The following SUPT6H variants were observed in gnomAD, a reference collection of about 807,000 sequenced individuals.
SUPT6H encodes SPT6 homolog, histone chaperone and transcription elongation factor.
SUPT6H carries 11 observed loss-of-function variants against 222.3 expected under a neutral mutation model. The observed-to-expected ratio is 0.05, with a 90% confidence interval of 0.03 to 0.08. The LOEUF is 0.08. SUPT6H is among the 10% of genes least tolerant of loss of function. The pLI is 1.00. For missense variants in SUPT6H, 1,422 were observed against 2,216.0 expected, an observed-to-expected ratio of 0.64 and a Z score of 7.19; for synonymous variants, 762 against 801.2, an observed-to-expected ratio of 0.95 and a Z score of 0.83.
At chr17:28,692,399 G>A (rs2031706698) in intron 27 of SUPT6H, among the ~76,000 whole-genome samples, 1 of 147,002 alleles carries the variant, frequency 6.8e-6, no homozygotes, top group African/African-American at 2.5e-5. Flanking sequence ...TTGGGAGGCT[G>A]AGGCAGTTGG....
intron 4 of SUPT6H, 68 bp downstream of exon 4, chr17:28,674,681 T>C: frequency 6.8e-7 from 1 of 1,462,240 alleles, no homozygotes; most frequent in Non-Finnish European, 9.6e-7. Context: ...TCAATGTCTG[T>C]GGGTGAGGAG....
In SUPT6H at chr17:28,678,547, G is replaced by T. The variant is rs777962390; in HGVS notation, c.1119G>T (p.Val373=). The change falls in exon 10 of 37, where the codon GTG becomes GTT. Residue 373 remains valine (V), a splice_region_variant and synonymous_variant. Transcript: ENST00000314616. ...LGFMRNQHFE[V]PFIAFYRKEY... ...CTGCAGTCTCTTTGCCATCCTAGGT[G>T]CCTTTTATTGCCTTCTATCGAAAGG... 7 of 1,614,140 alleles carry T rather than the reference G, an allele frequency of 4.3e-6. No individual in the cohort carries two copies. Among genetic ancestry groups the T allele is most frequent in the Middle Eastern group, 1.6e-4 (1 of 6,062 alleles).
chr17:28,678,037 T>C, intron 8 of SUPT6H, 39 bp from the exon 9 acceptor site: 1 of 1,579,822 alleles, frequency 6.3e-7, no homozygotes, highest in Non-Finnish European at 8.7e-7. Flanking sequence ...ACAAACCAAG[T>C]AAACATTGTC....
intron 1 of SUPT6H, among the ~76,000 whole-genome samples, chr17:28,667,370 CAAAAAAAAAAA>C (rs546020183): frequency 1.6e-4 from 1 of 6,242 alleles, no homozygotes; most frequent in Non-Finnish European, 3.5e-4. Context: ...GACTCCGTCT[CAAAAAAAAAAA>C]AAAAAAAAAA....
chr17:28,676,576 A>C, intron 7 of SUPT6H, 146 bp downstream of exon 7: 3 of 1,262,838 alleles, frequency 2.4e-6, no homozygotes, highest in Non-Finnish European at 3.2e-6. Flanking sequence ...CTCTTAGAGA[A>C]GGGAAGATAG....
At chr17:28,686,814 G>T in intron 21 of SUPT6H, 25 bp downstream of exon 21, 1 of 1,566,192 alleles carries the variant, frequency 6.4e-7, no homozygotes, top group Non-Finnish European at 8.6e-7. Flanking sequence ...TCACCCTTAG[G>T]GCCTGCCCAG....
At chr17:28,697,760 A>T in intron 31 of SUPT6H, 27 bp downstream of exon 31, 2 of 1,612,366 alleles carry the variant, frequency 1.2e-6, no homozygotes, top group Admixed American at 1.7e-5. Context: ...CTGAGGAATG[A>T]CACTTGCCAA....
At chr17:28,699,477 T>A (rs1294162464) in intron 32 of SUPT6H, among the ~76,000 whole-genome samples, 1 of 152,258 alleles carries the variant, frequency 6.6e-6, no homozygotes. Context: ...CACTATGGGA[T>A]CTCGGTCTCA....
intron 4 of SUPT6H, 112 bp from the exon 5 acceptor site, chr17:28,674,858 C>G: frequency 7.6e-7 from 1 of 1,310,634 alleles, no homozygotes; most frequent in Non-Finnish European, 1.1e-6. Flanking sequence ...TGTTCTTTCC[C>G]ATCTCTCTTG....
Position 28,693,758 on chromosome 17 carries a change from A to G in SUPT6H, c.3696A>G (p.Leu1232=), listed in dbSNP as rs1254920253. 3 of 1,614,220 alleles carry G rather than the reference A, an allele frequency of 1.9e-6. No individual in the cohort carries two copies. The highest frequency in any genetic ancestry group is 3.3e-5 in the Admixed American group (2 of 60,024). The stretch of plus-strand genomic sequence containing the variant: ...AGGCCATCGGTGTCAAAACACGGCT[A>G]GACAATGGTGTCACCGGCTTCATCC... ...PGQAIGVKTR[L]DNGVTGFIPT... is the part of the protein sequence containing the mutation. Residue 1232 remains leucine, a synonymous_variant, in exon 28 of 37, where the codon CTA becomes CTG. Transcript: ENST00000314616.
At chr17:28,699,472 T>TG (rs1490568883) in intron 32 of SUPT6H, among the ~76,000 whole-genome samples, 1 of 152,166 alleles carries the variant, frequency 6.6e-6, no homozygotes, top group Admixed American at 6.5e-5. Context: ...CCTGGCACTA[T>TG]GGGATCTCGG....
chr17:28,668,390 G>A (rs190592000), intron 1 of SUPT6H, among the ~76,000 whole-genome samples: 39 of 152,306 alleles, frequency 2.6e-4, no homozygotes, highest in African/African-American at 9.4e-4. Context: ...CAGTGCTACT[G>A]CAGTCTGCAC....
In SUPT6H at chr17:28,702,076, G is replaced by A. The variant is rs1484445772; in HGVS notation, c.*451G>A. ...TGGGGCAGGAGGGAGAGGAGGGAAAGTATTTCTGACCCTGATGCCAACAGC... is the reference window on the plus strand; with the variant it reads ...TGGGGCAGGAGGGAGAGGAGGGAAAATATTTCTGACCCTGATGCCAACAGC... On this transcript the variant is annotated 3_prime_UTR_variant, in exon 37 of 37. Coordinates refer to ENST00000314616, the MANE Select transcript of SUPT6H (RefSeq NM_003170.5). The A allele has an allele frequency of 6.4e-6, 1 of 156,890 alleles. No homozygotes were observed. Among genetic ancestry groups the A allele is most frequent in the African/African-American group, 2.4e-5 (1 of 41,574 alleles). The allele number at this position is 156,890 out of a possible 1,614,324, so 9.7% of individuals were successfully genotyped here.
rs147984349 is a variant in SUPT6H at position 28,698,100 on chromosome 17, G to A, written c.4448+70G>A. ...CAGGCTAGAAGGCAGGGAGAGGCCC[G>A]GAGCAGTGCCCTCTCTGGCTCTGCT... On this transcript the variant is annotated intron_variant, in intron 32 of 36. Coordinates refer to ENST00000314616, the MANE Select transcript of SUPT6H (RefSeq NM_003170.5). 3.9e-4 allele frequency: 605 copies of A among 1,541,812 alleles called. 3 individuals are homozygous for A. In the East Asian group the frequency reaches 7.7e-3, roughly 20 times the overall value.
Position 28,700,412 on chromosome 17 carries a change from C to T in SUPT6H, c.4706C>T (p.Ala1569Val). Residue 1569 changes from alanine (A) to valine (V), a missense_variant, in exon 35 of 37, where the codon GCG becomes GTG. Ala to Val is a moderately conservative substitution (Grantham distance 64). This residue lies in a region of SUPT6H where 395 missense variants were observed against 580.6 expected (regional missense o/e 0.68). Coordinates refer to ENST00000314616, the MANE Select transcript of SUPT6H (RefSeq NM_003170.5). ...MTSQMFSAIA[A>V]VTGQGQNPNA... ...TCACAGATGTTCAGTGCCATTGCTG[C>T]GGTGACAGGCCAAGGACAGAACCCT... is the stretch of plus-strand genomic sequence containing the variant. 4 of 1,614,246 alleles carry T rather than the reference C, an allele frequency of 2.5e-6. No homozygotes were observed. The highest frequency in any genetic ancestry group is 3.4e-6 in the Non-Finnish European group (4 of 1,180,048).
chr17:28,662,974 A>G (rs145140197), intron 1 of SUPT6H, among the ~76,000 whole-genome samples: 2 of 152,248 alleles, frequency 1.3e-5, no homozygotes, highest in African/African-American at 2.4e-5. Flanking sequence ...TCTAGTTTCT[A>G]CCTTTCTCCT....
Position 28,662,270 on chromosome 17 carries a change from C to T in SUPT6H, c.-104C>T, listed in dbSNP as rs748250348. The T allele has an allele frequency of 2.9e-4, 48 of 167,778 alleles. No individual in the cohort carries two copies. Among genetic ancestry groups the T allele is most frequent in the Admixed American group, 5.3e-4 (9 of 16,900 alleles). The allele number at this position is 167,778 out of a possible 1,614,324, so 10.4% of individuals were successfully genotyped here. On this transcript the variant is annotated 5_prime_UTR_variant, in exon 1 of 37. Coordinates refer to ENST00000314616, the MANE Select transcript of SUPT6H (RefSeq NM_003170.5). ...GCGGTGGGTCCGTACTATCTTTTCC[C>T]AGTCTCGGTTCGACGACTCCATTTT...
chr17:28,697,805 G>A, intron 31 of SUPT6H, 72 bp downstream of exon 31: 1 of 1,607,466 alleles, frequency 6.2e-7, no homozygotes, highest in Non-Finnish European at 8.5e-7. Context: ...TTCAGTATAG[G>A]GGACACTCAG....
intron 16 of SUPT6H, 41 bp from the exon 17 acceptor site, chr17:28,683,580 T>A (rs2151635553): frequency 6.2e-7 from 1 of 1,601,632 alleles, no homozygotes; most frequent in African/African-American, 1.3e-5. Flanking sequence ...GGTGTCACCT[T>A]TTCTCCATTC....
Sources: gnomAD v4.1 joint callset for allele counts (sites outside exome capture counted in the v4.1 genomes callset) on GRCh38, gnomAD v4.1.1 for gene constraint, gnomAD v4.1.1 regional missense constraint, MANE v1.5 for transcripts, NCBI Gene and HGNC (gene_info 2026-07-23, HGNC 2026-07-21) for gene names.